The following GPR158 variants were observed in gnomAD, a reference collection of about 807,000 sequenced individuals.
GPR158 encodes the protein metabotropic glycine receptor.
A neutral mutation model predicts 78.2 loss-of-function variants in GPR158; 30 were observed. The ratio of observed to expected loss-of-function variants is 0.38; its 90% CI spans 0.29 to 0.52. GPR158 has a LOEUF of 0.52. GPR158 is among the 20% of genes least tolerant of loss of function. The pLI is 0.83. For missense variants in GPR158, 1,463 were observed against 1,523.5 expected (o/e 0.96, Z 0.66); for synonymous variants, 581 against 591.1 (o/e 0.98, Z 0.25).
At chr10:25,374,100 A>G (rs1415558982) in intron 2 of GPR158, among the ~76,000 whole-genome samples, 3 of 151,694 alleles carry the variant, frequency 2.0e-5, no homozygotes, top group Non-Finnish European at 4.4e-5. Context: ...GTTTAAATGT[A>G]TATTATTGGT....
Position 25,463,395 on chromosome 10 carries a change from C to CTGGATGGA in GPR158, c.1336-3219_1336-3212dup, listed in dbSNP as rs10532888. ...AACCCAAAATATTTCTGAGGTTTGT[C>CTGGATGGA]TGGATGGATGGATGGATGGATGGAT... On this transcript the variant is annotated intron_variant, in intron 4 of 10. Transcript: ENST00000376351. Among the ~76,000 whole-genome samples the CTGGATGGA allele has an allele frequency of 3.8e-3, 575 of 149,678 alleles. 4 individuals carry two copies. Among genetic ancestry groups the CTGGATGGA allele is most frequent in the African/African-American group, 0.013 (526 of 40,558 alleles).
At chr10:25,230,925 T>C (rs1056000276) in intron 2 of GPR158, among the ~76,000 whole-genome samples, 1 of 152,172 alleles carries the variant, frequency 6.6e-6, no homozygotes, top group African/African-American at 2.4e-5. Flanking sequence ...CTGCATGCGA[T>C]ATTGGCTATA....
intron 1 of GPR158, among the ~76,000 whole-genome samples, chr10:25,196,208 C>A (rs924429095): frequency 1.3e-5 from 2 of 151,132 alleles, no homozygotes; most frequent in South Asian, 2.1e-4. Context: ...TATTTCTTAA[C>A]TTTTCTTTCA....
intron 1 of GPR158, among the ~76,000 whole-genome samples, chr10:25,188,056 C>T (rs901362820): frequency 2.4e-4 from 36 of 152,202 alleles, no homozygotes; most frequent in African/African-American, 7.9e-4. Flanking sequence ...GAATAAAATA[C>T]CTAGGAATCC....
chr10:25,195,593 A>T (rs1473975627), intron 1 of GPR158, among the ~76,000 whole-genome samples: 1 of 152,224 alleles, frequency 6.6e-6, no homozygotes, highest in African/African-American at 2.4e-5. Flanking sequence ...TGATTTGTAT[A>T]AGTCGCTTTA....
intron 5 of GPR158, among the ~76,000 whole-genome samples, chr10:25,549,761 A>C (rs1386615016): frequency 1.3e-5 from 2 of 152,094 alleles, no homozygotes; most frequent in African/African-American, 4.8e-5. Context: ...ATGCCAGGGG[A>C]GTTTAGGTAA....
intron 2 of GPR158, among the ~76,000 whole-genome samples, chr10:25,366,481 GT>G: frequency 6.6e-6 from 1 of 151,640 alleles, no homozygotes; most frequent in East Asian, 1.9e-4. Context: ...TTACAACATG[GT>G]ATTTTGATCT....
chr10:25,336,938 A>G (rs935236164), intron 2 of GPR158, among the ~76,000 whole-genome samples: 3 of 152,012 alleles, frequency 2.0e-5, no homozygotes, highest in Non-Finnish European at 4.4e-5. Flanking sequence ...TAAAATAGAC[A>G]CCTTCAATTA....
chr10:25,530,660 C>T (rs1424776846), intron 5 of GPR158, among the ~76,000 whole-genome samples: 1 of 152,190 alleles, frequency 6.6e-6, no homozygotes, highest in Non-Finnish European at 1.5e-5. Flanking sequence ...ACAAATTCTG[C>T]TTCAGGTCTT....
intron 2 of GPR158, among the ~76,000 whole-genome samples, chr10:25,236,232 G>A (rs1242384668): frequency 2.0e-5 from 3 of 152,136 alleles, no homozygotes; most frequent in African/African-American, 4.8e-5. Context: ...TTGGCCGGGC[G>A]TGGTGGCTCA....
intron 5 of GPR158, chr10:25,475,790 C>T (rs1417252775): frequency 6.6e-6 from 1 of 152,062 alleles, no homozygotes; most frequent in African/African-American, 2.4e-5. Flanking sequence ...TGGGAGGTTA[C>T]AATTTTTTTA....
intron 2 of GPR158, among the ~76,000 whole-genome samples, chr10:25,232,497 A>G (rs1474169087): frequency 6.6e-6 from 1 of 152,218 alleles, no homozygotes; most frequent in African/African-American, 2.4e-5. Flanking sequence ...AACTGACTGT[A>G]TTATACAAGA....
rs145146289 is a variant in GPR158 at position 25,412,388 on chromosome 10, G to A, written c.1250G>A (p.Arg417Gln). The change falls in exon 4 of 11, where the codon CGA (arginine) becomes CAA (glutamine). Residue 417 changes from arginine (R) to glutamine (Q), a missense_variant. Coordinates refer to ENST00000376351, the MANE Select transcript of GPR158 (RefSeq NM_020752.3). ...TTCGTCCAGGAAGATAAGTATTTAC[G>A]ACTTGCCATCATCTCCTTCCAAGCC... ...PCFVQEDKYL[R>Q]LAIISFQALC... 45 of 1,613,886 alleles carry A rather than the reference G, an allele frequency of 2.8e-5. No individual in the cohort carries two copies. The highest frequency in any genetic ancestry group is 5.3e-5 in the African/African-American group (4 of 74,940).
chr10:25,338,844 C>T (rs1855263783), intron 2 of GPR158, among the ~76,000 whole-genome samples: 1 of 151,106 alleles, frequency 6.6e-6, no homozygotes, highest in Admixed American at 6.6e-5. Flanking sequence ...TTAATCTATA[C>T]AATAATGTGG....
intron 2 of GPR158, among the ~76,000 whole-genome samples, chr10:25,303,575 AC>A (rs1264163942): frequency 6.6e-6 from 1 of 152,172 alleles, no homozygotes; most frequent in East Asian, 1.9e-4. Flanking sequence ...AGTGGCGCAA[AC>A]CGTTAATAAG....
intron 2 of GPR158, among the ~76,000 whole-genome samples, chr10:25,231,871 A>G (rs1853452648): frequency 6.6e-6 from 1 of 152,204 alleles, no homozygotes; most frequent in African/African-American, 2.4e-5. Flanking sequence ...CTAAATACAA[A>G]CATGCAAAAT....
chr10:25,372,309 A>C (rs548938292), intron 2 of GPR158, among the ~76,000 whole-genome samples: 1 of 152,086 alleles, frequency 6.6e-6, no homozygotes, highest in East Asian at 1.9e-4. Context: ...GTGATTCCTC[A>C]GGGATCTAGA....
At chr10:25,232,295 G>GA (rs1044831464) in intron 2 of GPR158, among the ~76,000 whole-genome samples, 10 of 151,992 alleles carry the variant, frequency 6.6e-5, no homozygotes, top group East Asian at 1.9e-4. Flanking sequence ...ACTTATGTGG[G>GA]AAAAAAATCC....
At chr10:25,417,638 G>C (rs1020505239) in intron 4 of GPR158, among the ~76,000 whole-genome samples, 2 of 152,126 alleles carry the variant, frequency 1.3e-5, no homozygotes, top group Admixed American at 6.5e-5. Context: ...TACCTATCAA[G>C]AACAAGAAGA....
Sources: allele counts gnomAD v4.1 joint callset (sites outside exome capture counted in the v4.1 genomes callset), GRCh38; gene constraint gnomAD v4.1.1; transcripts MANE v1.5; gene names NCBI Gene and HGNC (gene_info 2026-07-23, HGNC 2026-07-21).